LDLRAD4: variants seen among roughly 807,000 people sequenced by gnomAD.
LDLRAD4 encodes the protein low density lipoprotein receptor class A domain containing 4, also known as low-density lipoprotein receptor class A domain-containing protein 4.
In LDLRAD4, 5 loss-of-function variants were observed where a neutral mutation model predicts 17.0. That is an observed-to-expected ratio of 0.29 (90% CI 0.15 to 0.62). The LOEUF is 0.62. Ranked by LOEUF, LDLRAD4 falls within the 20% of genes least tolerant of loss-of-function variation. The pLI is 0.84. For synonymous variants in LDLRAD4, 168 were observed against 171.8 expected (o/e 0.98, Z 0.17); for missense variants, 340 against 424.7 (o/e 0.80, Z 1.75).
rs536219802 is a variant in LDLRAD4 at position 13,610,763 on chromosome 18, G to A, written c.182-10354G>A. On this transcript the variant is annotated intron_variant, in intron 3 of 5. Transcript: ENST00000359446. ...GGGGCGCTGGTAGCCAGGGAGGGGC[G>A]GCTTGAAGTGGCTGCAGCTTCTAAT... Among the ~76,000 whole-genome samples, 8 of 152,226 alleles carry A rather than the reference G, an allele frequency of 5.3e-5. No homozygotes were observed. In the East Asian group the frequency reaches 5.8e-4, roughly 11 times the overall value.
chr18:13,625,807 G>A (rs1247524673), intron 4 of LDLRAD4, among the ~76,000 whole-genome samples: 2 of 112,260 alleles, frequency 1.8e-5, no homozygotes, highest in East Asian at 2.7e-4. Flanking sequence ...CTCAGCCGGC[G>A]CCCTCCTCCC....
chr18:13,426,412 C>T (rs1255632080), intron 2 of LDLRAD4, among the ~76,000 whole-genome samples: 1 of 152,176 alleles, frequency 6.6e-6, no homozygotes, highest in Non-Finnish European at 1.5e-5. Flanking sequence ...TCTGGCCTGG[C>T]ATAGGTTGTC....
At chr18:13,607,062 GGTTA>G (rs1224450016) in intron 3 of LDLRAD4, among the ~76,000 whole-genome samples, 2 of 152,194 alleles carry the variant, frequency 1.3e-5, no homozygotes, top group East Asian at 3.8e-4. Context: ...GGCATCCTTT[GGTTA>G]GTTTCAGTGG....
intron 3 of LDLRAD4, among the ~76,000 whole-genome samples, chr18:13,568,572 C>T (rs1220026577): frequency 6.6e-6 from 1 of 152,212 alleles, no homozygotes; most frequent in Admixed American, 6.5e-5. Flanking sequence ...CACACCGCTT[C>T]TGCCACTGTC....
chr18:13,631,657 G>A (rs1447217027), intron 4 of LDLRAD4, among the ~76,000 whole-genome samples: 4 of 152,306 alleles, frequency 2.6e-5, no homozygotes, highest in Admixed American at 2.0e-4. Context: ...GCTGCGCACA[G>A]TGACTCACAC....
rs191597366 is a variant in LDLRAD4, at chr18:13,286,186, G to A, written c.-383+7998G>A. On this transcript the variant is annotated intron_variant, in intron 1 of 5. Coordinates refer to ENST00000359446, the Ensembl canonical transcript of LDLRAD4. ...CATACCTCATAAGTGGAATCATGCA[G>A]TATTTGTCCTTTTGTGTCTAGTGTA... 2.7e-4 allele frequency among the ~76,000 whole-genome samples: 41 copies of A among 152,298 alleles called. No individual in the cohort carries two copies. In the East Asian group the frequency reaches 4.0e-3, roughly 15 times the overall value.
intron 3 of LDLRAD4, among the ~76,000 whole-genome samples, chr18:13,544,227 T>C (rs2094327025): frequency 6.6e-6 from 1 of 152,234 alleles, no homozygotes; most frequent in Non-Finnish European, 1.5e-5. Context: ...CGGGCTGTTT[T>C]CCTGGAGTGT....
At chr18:13,571,705 C>T (rs1171846556) in intron 3 of LDLRAD4, among the ~76,000 whole-genome samples, 1 of 152,146 alleles carries the variant, frequency 6.6e-6, no homozygotes, top group Non-Finnish European at 1.5e-5. Flanking sequence ...GGTATGATCT[C>T]AGCTCACTGC....
chr18:13,507,522 A>G (rs1463283186), intron 3 of LDLRAD4, among the ~76,000 whole-genome samples: 4 of 152,226 alleles, frequency 2.6e-5, no homozygotes. Context: ...GTAGTATTCC[A>G]TGGTGTGTAT....
At chr18:13,644,179 G>T (rs1176167498) in intron 5 of LDLRAD4, among the ~76,000 whole-genome samples, 1 of 152,134 alleles carries the variant, frequency 6.6e-6, no homozygotes, top group African/African-American at 2.4e-5. Flanking sequence ...TTGTTAAAAA[G>T]TAATTGGCAA....
At chr18:13,348,123 G>A (rs549284839) in intron 1 of LDLRAD4, among the ~76,000 whole-genome samples, 11 of 152,292 alleles carry the variant, frequency 7.2e-5, no homozygotes, top group East Asian at 5.8e-4. Flanking sequence ...GAGGAGCTGC[G>A]TTCCTTTGAA....
chr18:13,426,101 C>T (rs1159526400), intron 2 of LDLRAD4: 1 of 152,690 alleles, frequency 6.5e-6, no homozygotes, highest in Non-Finnish European at 1.5e-5. Context: ...CAGGACATGC[C>T]CTCGGGGAAG....
At chr18:13,420,852 A>G (rs1475343578) in intron 2 of LDLRAD4, 8 of 152,214 alleles carry the variant, frequency 5.3e-5, no homozygotes, top group Admixed American at 5.2e-4. Context: ...CTTTAGTCCC[A>G]TTCACTGGTG....
Position 13,396,240 on chromosome 18 carries a change from GC to G in LDLRAD4, c.40+8479del, listed in dbSNP as rs143369325. Among the ~76,000 whole-genome samples the G allele has an allele frequency of 4.8e-3, 725 of 152,210 alleles. 14 individuals are homozygous for G. Among genetic ancestry groups the G allele is most frequent in the African/African-American group, 0.017 (704 of 41,540 alleles). On this transcript the variant is annotated intron_variant, in intron 2 of 5. Transcript: ENST00000359446. ...TCTCCTGGTTCAAGATTTCCTAGGG[GC>G]AAAAAAAGAATACAAAATAATAACG... is the stretch of plus-strand genomic sequence containing the variant.
chr18:13,631,138 G>A (rs2041627219), intron 4 of LDLRAD4, among the ~76,000 whole-genome samples: 1 of 152,224 alleles, frequency 6.6e-6, no homozygotes, highest in Non-Finnish European at 1.5e-5. Flanking sequence ...AGTCATGGCT[G>A]CAGACGACTG....
At chr18:13,226,180 C>CTGTTTTTTTTTT (rs71370946) in intron 1 of LDLRAD4, among the ~76,000 whole-genome samples, 2 of 52,188 alleles carry the variant, frequency 3.8e-5, no homozygotes, top group Non-Finnish European at 6.5e-5. Context: ...CCATGCCTTG[C>CTGTTTTTTTTTT]TTTTTTTTTT....
intron 3 of LDLRAD4, among the ~76,000 whole-genome samples, chr18:13,538,589 A>G (rs1568313445): frequency 1.3e-5 from 2 of 152,010 alleles, no homozygotes; most frequent in South Asian, 4.2e-4. Flanking sequence ...CAGTGGCACA[A>G]TCTCAGCTCA....
At chr18:13,558,951 G>A (rs1332719291) in intron 3 of LDLRAD4, among the ~76,000 whole-genome samples, 1 of 144,792 alleles carries the variant, frequency 6.9e-6, no homozygotes, top group Non-Finnish European at 1.5e-5. Context: ...TCACAGAAGT[G>A]GGAAGCACAC....
intron 2 of LDLRAD4, chr18:13,419,638 A>AC (rs1360758541): frequency 9.9e-5 from 15 of 152,234 alleles, no homozygotes; most frequent in Admixed American, 2.6e-4. Context: ...CCAAGATCAC[A>AC]CAGGTAATAA....
Sources: allele counts gnomAD v4.1 joint callset (sites outside exome capture counted in the v4.1 genomes callset), GRCh38; gene constraint gnomAD v4.1.1; transcripts MANE v1.5; gene names NCBI Gene and HGNC (gene_info 2026-07-23, HGNC 2026-07-21).